ZNF175: variants seen among roughly 807,000 people sequenced by gnomAD.
The protein encoded by ZNF175 is zinc finger protein 175, also known as zinc finger protein OTK18.
In ZNF175, 8 loss-of-function variants were observed where a neutral mutation model predicts 14.0. The observed-to-expected ratio is 0.57, with a 90% confidence interval of 0.34 to 1.03. The LOEUF (loss-of-function observed/expected upper bound fraction) is 1.03, where lower values mean the gene tolerates loss of function less well. Among genes scored for constraint, ZNF175 ranks in the 50% least tolerant of loss-of-function variants. The probability of loss-of-function intolerance (pLI) is 0.03; values close to 1 mark genes in which losing one functional copy is unlikely to be tolerated. For synonymous variants in ZNF175, 255 were observed against 296.8 expected, an observed-to-expected ratio of 0.86 and a Z score of 1.45; for missense variants, 764 against 849.5, an observed-to-expected ratio of 0.90 and a Z score of 1.25.
chr19:51,585,783 T>TA (rs1226970447), intron 4 of ZNF175, among the ~76,000 whole-genome samples: 1 of 152,134 alleles, frequency 6.6e-6, no homozygotes, highest in African/African-American at 2.4e-5. Flanking sequence ...AAAACTAAAC[T>TA]AAAAAAGGCA....
intron 4 of ZNF175, 73 bp from the exon 5 acceptor site, chr19:51,586,554 G>T: frequency 6.9e-7 from 1 of 1,458,902 alleles, no homozygotes; most frequent in Non-Finnish European, 9.2e-7. Context: ...TGTGTTCTGT[G>T]TCAATCAGCT....
At chr19:51,579,943 C>G (rs1437942836) in intron 2 of ZNF175, among the ~76,000 whole-genome samples, 1 of 151,652 alleles carries the variant, frequency 6.6e-6, no homozygotes, top group East Asian at 1.9e-4. Context: ...AGCATCTCAT[C>G]TCGATGATTT....
In ZNF175 at chr19:51,581,848, G is replaced by A; in HGVS notation, c.261G>A (p.Val87=). 1 of 1,613,878 alleles carries A rather than the reference G, an allele frequency of 6.2e-7. No individual in the cohort carries two copies. The highest frequency in any genetic ancestry group is 8.5e-7 in the Non-Finnish European group (1 of 1,179,852). ...FRMLKEKEPR[V]EEAEVSHQRC... ...TGCTAAAAGAAAAGGAGCCGCGTGT[G>A]GAGGAGGCTGAAGTCTCACATCAGA... The change falls in exon 4 of 5, where the codon GTG becomes GTA. Residue 87 remains valine (V), a synonymous_variant. Transcript: ENST00000262259.
chr19:51,577,749 C>T (rs576647754), intron 2 of ZNF175, among the ~76,000 whole-genome samples: 2,451 of 150,312 alleles, frequency 0.016, 35 homozygotes, highest in African/African-American at 0.043. Flanking sequence ...CTGCAAGCTC[C>T]GCCTCCCGGG....
intron 4 of ZNF175, among the ~76,000 whole-genome samples, chr19:51,584,073 T>G (rs1312960021): frequency 6.6e-6 from 1 of 152,146 alleles, no homozygotes; most frequent in Admixed American, 6.6e-5. Flanking sequence ...AGAACGGAGA[T>G]TGTATTTGGA....
Position 51,586,653 on chromosome 19 carries a change from CA to C in ZNF175, c.326del (p.Lys109ArgfsTer14). 1 of 1,599,096 alleles carries C rather than the reference CA, an allele frequency of 6.3e-7. No individual in the cohort carries two copies. ...AAGGGAGTTTGGGCTTGAAATCCCACAAAAGGAGATTTCTAAGAAAGCTTCA... is the reference window on the plus strand; with the variant it reads ...AAGGGAGTTTGGGCTTGAAATCCCACAAAGGAGATTTCTAAGAAAGCTTCA... The part of the protein sequence containing the change: ...QEREFGLEIP[Q>X]KEISKKASFQ... On this transcript the variant is annotated frameshift_variant, in exon 5 of 5. Transcript: ENST00000262259. LOFTEE classifies it low-confidence loss of function (END_TRUNC).
rs769287051 is a variant in ZNF175, at chr19:51,581,455, C to T, written c.137C>T (p.Pro46Leu). Residue 46 changes from proline to leucine, a missense_variant, in exon 3 of 5, where the codon CCT becomes CTT. Physicochemically the swap from Pro to Leu is moderately conservative, Grantham distance 98 (BLOSUM62 -3). Transcript: ENST00000262259. ...AGGGAGGAGTGGCAGCAACTGGACCCTGCCCAGAGATGCCTGTACCGGGAT... is the reference window on the plus strand; with the variant it reads ...AGGGAGGAGTGGCAGCAACTGGACCTTGCCCAGAGATGCCTGTACCGGGAT... ...FSREEWQQLD[P>L]AQRCLYRDVM... 14 of 1,614,120 alleles carry T rather than the reference C, an allele frequency of 8.7e-6. No individual in the cohort carries two copies. The highest frequency in any genetic ancestry group is 1.2e-5 in the Non-Finnish European group (14 of 1,180,022).
rs112100911 is a variant in ZNF175, at chr19:51,577,727, G to T, written c.73-3664G>T. On this transcript the variant is annotated intron_variant, in intron 2 of 4. Transcript: ENST00000262259. ...CGCCCAGGCTGGAGTGCAGTGGCAC[G>T]ATCTTGGCTCACTGCAAGCTCCGCC... Among the ~76,000 whole-genome samples, 1,110 of 143,068 alleles carry T rather than the reference G, an allele frequency of 7.8e-3. 13 individuals are homozygous for T. Among genetic ancestry groups the T allele is most frequent in the South Asian group, 0.052 (237 of 4,520 alleles). 93.9% of individuals were successfully genotyped at this position (143,068 alleles called of 152,430 possible).
In ZNF175 at chr19:51,588,385, A is replaced by G. The variant is rs1454122209; in HGVS notation, c.2054A>G (p.Asn685Ser). ...GGAAAGGCCTTCAACAACAGGTCAA[A>G]CTTCAATAAACACCAAACAACTCAT... ...ECGKAFNNRS[N>S]FNKHQTTHTR... Residue 685 changes from asparagine (N) to serine (S), a missense_variant, in exon 5 of 5, where the codon AAC becomes AGC. Coordinates refer to ENST00000262259, the MANE Select transcript of ZNF175 (RefSeq NM_007147.4). The G allele has an allele frequency of 5.6e-6, 9 of 1,611,870 alleles. No homozygotes were observed. The highest frequency in any genetic ancestry group is 1.3e-5 in the African/African-American group (1 of 74,780).
At chr19:51,578,418 C>A (rs1234106196) in intron 2 of ZNF175, among the ~76,000 whole-genome samples, 1 of 151,196 alleles carries the variant, frequency 6.6e-6, no homozygotes, top group Non-Finnish European at 1.5e-5. Flanking sequence ...AAGAAGCAAG[C>A]CCCAGAATGG....
intron 2 of ZNF175, 126 bp from the exon 3 acceptor site, chr19:51,581,265 T>C: frequency 1.6e-6 from 2 of 1,257,498 alleles, no homozygotes; most frequent in Non-Finnish European, 2.2e-6. Flanking sequence ...GTGAAATAGG[T>C]GTTTGGTGGG....
At chr19:51,575,230 T>A (rs930408426) in intron 2 of ZNF175, among the ~76,000 whole-genome samples, 13 of 146,204 alleles carry the variant, frequency 8.9e-5, no homozygotes, top group African/African-American at 3.0e-4. Context: ...TTTTTTTTTT[T>A]TTTTGAGACG....
intron 2 of ZNF175, among the ~76,000 whole-genome samples, chr19:51,575,208 G>GTTTTTTTTTTTTTTTT (rs1491081799): frequency 1.0e-5 from 1 of 99,202 alleles, no homozygotes; most frequent in African/African-American, 3.9e-5. Context: ...TTTTTAGAGA[G>GTTTTTTTTTTTTTTTT]GTTTTTTTTT....
chr19:51,575,817 C>T (rs1981760237), intron 2 of ZNF175, among the ~76,000 whole-genome samples: 1 of 152,180 alleles, frequency 6.6e-6, no homozygotes, highest in African/African-American at 2.4e-5. Flanking sequence ...TTTGCTTTTA[C>T]CCGCTTCCTC....
chr19:51,588,387 T>G lies in ZNF175; in HGVS notation c.2056T>G (p.Phe686Val). The change falls in exon 5 of 5, where the codon TTC becomes GTC. Residue 686 changes from phenylalanine to valine, a missense_variant. Phe to Val is a conservative substitution (Grantham distance 50, BLOSUM62 -1). Coordinates refer to ENST00000262259, the MANE Select transcript of ZNF175 (RefSeq NM_007147.4). Reference sequence around the variant, plus strand: ...AAAGGCCTTCAACAACAGGTCAAACTTCAATAAACACCAAACAACTCATAC... The same window carrying G: ...AAAGGCCTTCAACAACAGGTCAAACGTCAATAAACACCAAACAACTCATAC... ...CGKAFNNRSN[F>V]NKHQTTHTRD... 3 of 1,611,906 alleles carry G rather than the reference T, an allele frequency of 1.9e-6. No individual in the cohort carries two copies. Among genetic ancestry groups the G allele is most frequent in the Non-Finnish European group, 2.5e-6 (3 of 1,179,408 alleles).
At position 51,587,882 on chromosome 19, in the gene ZNF175, C is replaced by T. The variant is rs1386608090; in HGVS notation, c.1551C>T (p.His517=). ...GAAAAACCTTCACCCAAAAGTCACA[C>T]CTGAATATACACCAGAAAATTCATA... The part of the protein sequence containing the change: ...DCGKTFTQKS[H]LNIHQKIHTG... The change falls in exon 5 of 5, where the codon CAC becomes CAT. Residue 517 remains histidine (H), a synonymous_variant. Coordinates refer to ENST00000262259, the MANE Select transcript of ZNF175 (RefSeq NM_007147.4). 6.2e-7 allele frequency: 1 copy of T among 1,614,086 alleles called. No homozygotes were observed. The highest frequency in any genetic ancestry group is 8.5e-7 in the Non-Finnish European group (1 of 1,180,020).
chr19:51,573,212 C>T lies in ZNF175; in HGVS notation c.-118C>T. ...GGCTGCAGGATCTCTCTTCATAGCC[C>T]AGTACGACTCTCCGCCGTGTCCCTG... On this transcript the variant is annotated 5_prime_UTR_variant, in exon 2 of 5. Coordinates refer to ENST00000262259, the MANE Select transcript of ZNF175 (RefSeq NM_007147.4). The T allele has an allele frequency of 2.2e-6, 2 of 927,088 alleles. No individual in the cohort carries two copies. The highest frequency in any genetic ancestry group is 2.2e-4 in the Middle Eastern group (1 of 4,498). 57.4% of individuals were successfully genotyped at this position (927,088 alleles called of 1,614,324 possible).
chr19:51,587,211 C>T lies in ZNF175; in HGVS notation c.880C>T (p.Leu294Phe), dbSNP rs769513075. The T allele has an allele frequency of 4.1e-5, 66 of 1,614,070 alleles. No homozygotes were observed. The South Asian group carries it at 7.0e-4, about 17-fold the overall frequency. Reference sequence around the variant, plus strand: ...GGGGAGCTTCACCCAGAAGTCACACCTCTTTGCCCAACAGAGAATTCATAG... The same window carrying T: ...GGGGAGCTTCACCCAGAAGTCACACTTCTTTGCCCAACAGAGAATTCATAG... The part of the protein sequence containing the change: ...CGGSFTQKSH[L>F]FAQQRIHSVG... The change falls in exon 5 of 5, where the codon CTC becomes TTC. Residue 294 changes from leucine (L) to phenylalanine (F), a missense_variant. By Grantham distance (22) the Leu-to-Phe change is conservative. Transcript: ENST00000262259.
chr19:51,576,153 T>G (rs11084089), intron 2 of ZNF175, among the ~76,000 whole-genome samples: 3,684 of 47,334 alleles, frequency 0.078, 121 homozygotes, highest in East Asian at 0.19. Context: ...TTTTTTTTTG[T>G]TTTTTTTTTT....
Sources: allele counts gnomAD v4.1 joint callset (sites outside exome capture counted in the v4.1 genomes callset), GRCh38; gene constraint gnomAD v4.1.1; transcripts MANE v1.5; gene names NCBI Gene and HGNC (gene_info 2026-07-23, HGNC 2026-07-21).